Variants in PPP1R2 observed in about 807,000 individuals in gnomAD.
PPP1R2 encodes protein phosphatase 1 regulatory inhibitor subunit 2.
In PPP1R2, 16 loss-of-function variants were observed where a neutral mutation model predicts 29.9. The observed-to-expected ratio is 0.53, with a 90% confidence interval of 0.36 to 0.81. PPP1R2 has a LOEUF of 0.81. Ranked by LOEUF, PPP1R2 falls within the 30% of genes least tolerant of loss-of-function variation. The pLI is 0.00. For synonymous variants in PPP1R2, 76 were observed against 91.5 expected, an observed-to-expected ratio of 0.83 and a Z score of 0.96; for missense variants, 197 against 252.7, an observed-to-expected ratio of 0.78 and a Z score of 1.49.
intron 2 of PPP1R2, among the ~76,000 whole-genome samples, chr3:195,526,450 T>G (rs1031308189): frequency 6.6e-6 from 1 of 152,048 alleles, no homozygotes; most frequent in Non-Finnish European, 1.5e-5. Flanking sequence ...ATGATAAAAC[T>G]GAGCAGTGAA....
chr3:195,530,528 AT>A (rs1719137688), intron 1 of PPP1R2, among the ~76,000 whole-genome samples: 1 of 152,166 alleles, frequency 6.6e-6, no homozygotes, highest in African/African-American at 2.4e-5. Flanking sequence ...GTACTTTATT[AT>A]TTTTGTTTTG....
chr3:195,534,007 C>T, intron 1 of PPP1R2, among the ~76,000 whole-genome samples: 1 of 152,134 alleles, frequency 6.6e-6, no homozygotes, highest in East Asian at 1.9e-4. Context: ...TTCCCAGAGG[C>T]CATTAAGAAA....
rs771342594 is a variant in PPP1R2 at position 195,542,924 on chromosome 3, C to T, written c.102G>A (p.Gly34=). The change falls in exon 1 of 6, where the codon GGG becomes GGA. Residue 34 remains glycine, a synonymous_variant. Transcript: ENST00000618156. ...CTCACCTCAGCTCCTCGTCGACATTCCCGCGGGGCTGTTCGGCCGACGCCA... is the reference window on the plus strand; with the variant it reads ...CTCACCTCAGCTCCTCGTCGACATTTCCGCGGGGCTGTTCGGCCGACGCCA... ...SMVASAEQPR[G]NVDEELSKKS... The T allele has an allele frequency of 8.7e-6, 14 of 1,603,002 alleles. No homozygotes were observed. The South Asian group carries it at 1.6e-4, about 18-fold the overall frequency.
chr3:195,541,627 C>T (rs1719603702), intron 1 of PPP1R2, among the ~76,000 whole-genome samples: 1 of 151,986 alleles, frequency 6.6e-6, no homozygotes, highest in African/African-American at 2.4e-5. Flanking sequence ...CTTGGTTCTC[C>T]TGCTTCAGTT....
At chr3:195,538,876 A>G (rs151195129) in intron 1 of PPP1R2, among the ~76,000 whole-genome samples, 114 of 152,364 alleles carry the variant, frequency 7.5e-4, no homozygotes, top group African/African-American at 2.7e-3. Context: ...GATATAATGA[A>G]TAATTCACTG....
chr3:195,529,762 T>C (rs1187587082), intron 2 of PPP1R2, 32 bp downstream of exon 2: 1 of 1,432,336 alleles, frequency 7.0e-7, no homozygotes, highest in Admixed American at 2.3e-5. Flanking sequence ...TGGAAGTAAG[T>C]CACAAGAGGA....
In PPP1R2 at chr3:195,514,693, A is replaced by G. The variant is rs1258442351; in HGVS notation, c.*2203T>C. The G allele has an allele frequency of 6.6e-6, 1 of 152,292 alleles. No homozygotes were observed. The highest frequency in any genetic ancestry group is 2.4e-5 in the African/African-American group (1 of 41,470). The allele number at this position is 152,292 out of a possible 1,614,324, so 9.4% of individuals were successfully genotyped here. On this transcript the variant is annotated 3_prime_UTR_variant, in exon 6 of 6. Coordinates refer to ENST00000618156, the MANE Select transcript of PPP1R2 (RefSeq NM_006241.8). Reference sequence around the variant, plus strand: ...GTTGAAAGTAAAATCTACCTTGGCTAGAACTGAACATTCAGATCTGTCTCT... The same window carrying G: ...GTTGAAAGTAAAATCTACCTTGGCTGGAACTGAACATTCAGATCTGTCTCT...
chr3:195,520,085 C>T (rs960137897), intron 4 of PPP1R2, among the ~76,000 whole-genome samples: 2 of 151,984 alleles, frequency 1.3e-5, no homozygotes, highest in Admixed American at 6.6e-5. Context: ...TCTTGGCTCA[C>T]GGCAACCTTA....
chr3:195,525,212 T>TA (rs1380369411), intron 2 of PPP1R2, among the ~76,000 whole-genome samples: 4 of 152,202 alleles, frequency 2.6e-5, no homozygotes, highest in Admixed American at 2.6e-4. Flanking sequence ...TCCTCTGTAC[T>TA]AAACATGTAG....
At chr3:195,528,361 CTG>C (rs1289970042) in intron 2 of PPP1R2, among the ~76,000 whole-genome samples, 6 of 152,178 alleles carry the variant, frequency 3.9e-5, no homozygotes, top group Non-Finnish European at 7.3e-5. Context: ...CCACAAAAAA[CTG>C]TGTATTTCTT....
intron 2 of PPP1R2, chr3:195,528,700 CTATTTTTTTTT>C (rs1719069029): frequency 1.3e-5 from 1 of 76,646 alleles, no homozygotes; most frequent in Non-Finnish European, 2.3e-5. Flanking sequence ...TAGGGCATAA[CTATTTTTTTTT>C]TTTTTTTTTT....
chr3:195,534,517 G>A (rs1719299959), intron 1 of PPP1R2, among the ~76,000 whole-genome samples: 1 of 152,124 alleles, frequency 6.6e-6, no homozygotes, highest in Non-Finnish European at 1.5e-5. Context: ...CAATGCAGTA[G>A]GGTTTATGAT....
At chr3:195,536,979 T>C (rs1004846331) in intron 1 of PPP1R2, among the ~76,000 whole-genome samples, 2 of 151,906 alleles carry the variant, frequency 1.3e-5, no homozygotes, top group African/African-American at 4.8e-5. Flanking sequence ...AAGCAGAAAT[T>C]AAGTTTTCTT....
intron 2 of PPP1R2, among the ~76,000 whole-genome samples, chr3:195,528,236 T>A (rs951068041): frequency 6.6e-6 from 1 of 152,176 alleles, no homozygotes; most frequent in Non-Finnish European, 1.5e-5. Context: ...CAAGGTCTGG[T>A]TTTCCATTCC....
At chr3:195,528,790 T>C (rs1398328830) in intron 2 of PPP1R2, 2 of 129,046 alleles carry the variant, frequency 1.5e-5, no homozygotes, top group Non-Finnish European at 3.1e-5. Context: ...CCTGAAGCAA[T>C]ACTCCCACCT....
At chr3:195,528,235 G>A (rs1209698284) in intron 2 of PPP1R2, among the ~76,000 whole-genome samples, 1 of 152,086 alleles carries the variant, frequency 6.6e-6, no homozygotes, top group African/African-American at 2.4e-5. Flanking sequence ...ACAAGGTCTG[G>A]TTTTCCATTC....
chr3:195,542,465 G>C (rs185125182), intron 1 of PPP1R2, among the ~76,000 whole-genome samples: 15 of 152,270 alleles, frequency 9.9e-5, no homozygotes, highest in African/African-American at 3.4e-4. Flanking sequence ...AATGCTAATG[G>C]GGGAAATGGT....
At chr3:195,528,086 G>A (rs532272790) in intron 2 of PPP1R2, among the ~76,000 whole-genome samples, 1 of 151,962 alleles carries the variant, frequency 6.6e-6, no homozygotes, top group Non-Finnish European at 1.5e-5. Context: ...AGATTTTGGT[G>A]CACCCATCAC....
rs201930691 is a variant in PPP1R2 at position 195,519,065 on chromosome 3, A to T, written c.524T>A (p.Leu175Ter). Residue 175 changes from leucine (L) to a stop codon, truncating the protein, a stop_gained, in exon 5 of 6, where the codon TTA (leucine) becomes TAA (stop). Transcript: ENST00000618156. LOFTEE classifies it high-confidence loss of function. ...CATGCTTTCTCCATCTGCAGTCTCT[A>T]ACATTTCTTCATCTTCATCATCATC... The part of the protein sequence containing the change: ...LHDDDEDEEM[L>*]ETADGESMNT... 6.2e-7 allele frequency: 1 copy of T among 1,606,726 alleles called. No individual in the cohort carries two copies. Among genetic ancestry groups the T allele is most frequent in the East Asian group, 2.2e-5 (1 of 44,810 alleles).
Sources: allele counts gnomAD v4.1 joint callset (sites outside exome capture counted in the v4.1 genomes callset), GRCh38; gene constraint gnomAD v4.1.1; transcripts MANE v1.5; gene names NCBI Gene and HGNC (gene_info 2026-07-23, HGNC 2026-07-21).